The following ANKEF1 variants were observed in gnomAD, a reference collection of about 807,000 sequenced individuals.
ANKEF1 encodes ankyrin repeat and EF-hand domain-containing protein 1.
In ANKEF1, 43 loss-of-function variants were observed where a neutral mutation model predicts 65.1. That is an observed-to-expected ratio of 0.66 (90% confidence interval 0.52 to 0.85). The LOEUF (loss-of-function observed/expected upper bound fraction) is 0.85. ANKEF1 is among the 40% of genes least tolerant of loss of function. The probability of loss-of-function intolerance (pLI) is 0.00; values close to 1 mark genes in which losing one functional copy is unlikely to be tolerated. For synonymous variants in ANKEF1, 316 were observed against 341.5 expected, an observed-to-expected ratio of 0.93 and a Z score of 0.82; for missense variants, 934 against 952.9, an observed-to-expected ratio of 0.98 and a Z score of 0.26.
At chr20:10,038,686 A>C in intron 3 of ANKEF1, 39 bp downstream of exon 3, 8 of 1,456,212 alleles carry the variant, frequency 5.5e-6, no homozygotes, top group Non-Finnish European at 7.5e-6. Context: ...ATTGCAATTC[A>C]TTTTGTAGCC....
At chr20:10,047,009 T>A (rs1984558483) in intron 6 of ANKEF1, among the ~76,000 whole-genome samples, 1 of 152,256 alleles carries the variant, frequency 6.6e-6, no homozygotes, top group Admixed American at 6.5e-5. Context: ...AATCTGTCTC[T>A]ATTAGCAGTT....
chr20:10,046,164 C>T (rs1381387366), intron 6 of ANKEF1, among the ~76,000 whole-genome samples: 1 of 152,108 alleles, frequency 6.6e-6, no homozygotes, highest in East Asian at 1.9e-4. Flanking sequence ...ATCCCAGTTA[C>T]TTGGGAGGCT....
Position 10,038,268 on chromosome 20 carries a change from G to T in ANKEF1, c.-34G>T. 2 of 1,349,808 alleles carry T rather than the reference G, an allele frequency of 1.5e-6. No homozygotes were observed. The highest frequency in any genetic ancestry group is 2.0e-6 in the Non-Finnish European group (2 of 1,024,298). 83.6% of individuals were successfully genotyped at this position (1,349,808 alleles called of 1,614,324 possible). On this transcript the variant is annotated 5_prime_UTR_variant, in exon 3 of 11. Coordinates refer to ENST00000378392, the MANE Select transcript of ANKEF1 (RefSeq NM_022096.6). ...TTTTTGTTGCTTCAGCTTTAGTTTT[G>T]GTCCAGAAAGCATTTTCAAGGAGCT...
intron 8 of ANKEF1, 53 bp from the exon 9 acceptor site, chr20:10,053,059 T>C: frequency 1.3e-6 from 2 of 1,507,132 alleles, no homozygotes; most frequent in Non-Finnish European, 1.8e-6. Context: ...TTCTACATGG[T>C]TTATCATTAA....
Position 10,051,739 on chromosome 20 carries a change from G to T in ANKEF1, c.1720G>T (p.Val574Phe). The T allele has an allele frequency of 6.2e-7, 1 of 1,613,768 alleles. No individual in the cohort carries two copies. Among genetic ancestry groups the T allele is most frequent in the African/African-American group, 1.3e-5 (1 of 75,032 alleles). ...FACHAGQQDI[V>F]ELLVESGALI... is the part of the protein sequence containing the mutation. ...ATGCCATGCAGGCCAACAAGACATT[G>T]TTGAGCTTCTTGTTGAATCTGGAGC... Residue 574 changes from valine to phenylalanine, a missense_variant, in exon 8 of 11, where the codon GTT becomes TTT. Transcript: ENST00000378392.
At position 10,056,477 on chromosome 20, in the gene ANKEF1, TGATAGATAGATAGATAGATGATA is replaced by T. The variant is rs1390073760; in HGVS notation, c.*837_*859del. The T allele has an allele frequency of 1.5e-5, 2 of 134,552 alleles. No homozygotes were observed. Among genetic ancestry groups the T allele is most frequent in the African/African-American group, 2.9e-5 (1 of 34,190 alleles). 8.3% of individuals were successfully genotyped at this position (134,552 alleles called of 1,614,324 possible). On this transcript the variant is annotated 3_prime_UTR_variant, in exon 11 of 11. Transcript: ENST00000378392. The stretch of plus-strand genomic sequence containing the variant: ...GATATATAGATGATAGATAGATAGA[TGATAGATAGATAGATAGATGATA>T]GATAGATAGATAGATAGATAGATAG...
chr20:10,055,681 G>T lies in ANKEF1; in HGVS notation c.*21G>T. ...CCTAAGTCATAGCAGTTATTTCTTG[G>T]GGTAAATGCTTTGAGGCCCAGGGAC... is the stretch of plus-strand genomic sequence containing the variant. On this transcript the variant is annotated 3_prime_UTR_variant, in exon 11 of 11. Coordinates refer to ENST00000378392, the MANE Select transcript of ANKEF1 (RefSeq NM_022096.6). The T allele has an allele frequency of 6.2e-7, 1 of 1,612,832 alleles. No homozygotes were observed. The highest frequency in any genetic ancestry group is 1.1e-5 in the South Asian group (1 of 91,014).
rs1468223292 is a variant in ANKEF1 at position 10,055,806 on chromosome 20, ATTC to A, written c.*149_*151del. The A allele has an allele frequency of 2.6e-5, 19 of 721,414 alleles. No homozygotes were observed. The highest frequency in any genetic ancestry group is 3.2e-5 in the Non-Finnish European group (14 of 441,244). 44.7% of individuals were successfully genotyped at this position (721,414 alleles called of 1,614,324 possible). On this transcript the variant is annotated 3_prime_UTR_variant, in exon 11 of 11. Transcript: ENST00000378392. ...TCTTTTTGCTTTAACAACTATAAAT[ATTC>A]TTAGCTGTCTAGAGAAAAGATGTAT...
chr20:10,042,286 C>A (rs1174409840), intron 3 of ANKEF1, among the ~76,000 whole-genome samples: 1 of 151,902 alleles, frequency 6.6e-6, no homozygotes, highest in Non-Finnish European at 1.5e-5. Flanking sequence ...AGTATGTATC[C>A]TTTTTGCGTG....
intron 3 of ANKEF1, among the ~76,000 whole-genome samples, chr20:10,040,018 A>G (rs1437431359): frequency 2.6e-5 from 4 of 152,244 alleles, no homozygotes; most frequent in Non-Finnish European, 4.4e-5. Flanking sequence ...TAAAAAATCA[A>G]GGTAAAATTG....
chr20:10,055,190 G>A (rs1239248950), intron 10 of ANKEF1, among the ~76,000 whole-genome samples: 2 of 152,092 alleles, frequency 1.3e-5, no homozygotes, highest in South Asian at 2.1e-4. Flanking sequence ...TTGCTTCCCT[G>A]TTTTGGCATC....
At chr20:10,054,351 T>G in intron 9 of ANKEF1, 111 bp from the exon 10 acceptor site, 1 of 792,402 alleles carries the variant, frequency 1.3e-6, no homozygotes, top group Non-Finnish European at 1.9e-6. Flanking sequence ...ACTTGTACAG[T>G]AGCATTTTTA....
At position 10,055,578 on chromosome 20, in the gene ANKEF1, T is replaced by C. The variant is rs1985104089; in HGVS notation, c.2249T>C (p.Val750Ala). The C allele has an allele frequency of 6.2e-7, 1 of 1,613,784 alleles. No homozygotes were observed. The highest frequency in any genetic ancestry group is 1.3e-5 in the African/African-American group (1 of 74,996). Residue 750 changes from valine to alanine, a missense_variant, in exon 11 of 11, where the codon GTG becomes GCG. By Grantham distance (64) the Val-to-Ala change is moderately conservative. Coordinates refer to ENST00000378392, the MANE Select transcript of ANKEF1 (RefSeq NM_022096.6). ...ELRRERFTHE[V>A]DFDDFMMPFQ... Reference sequence around the variant, plus strand: ...CGGCGAGAGAGGTTTACACATGAGGTGGACTTCGACGATTTTATGATGCCT... The same window carrying C: ...CGGCGAGAGAGGTTTACACATGAGGCGGACTTCGACGATTTTATGATGCCT...
intron 6 of ANKEF1, among the ~76,000 whole-genome samples, chr20:10,046,668 G>C (rs1023849548): frequency 1.3e-5 from 2 of 152,066 alleles, no homozygotes; most frequent in African/African-American, 4.8e-5. Context: ...CTCTGTTAGA[G>C]ATAGAACTGC....
At chr20:10,048,962 G>A (rs200213414) in intron 6 of ANKEF1, among the ~76,000 whole-genome samples, 1 of 152,116 alleles carries the variant, frequency 6.6e-6, no homozygotes, top group Non-Finnish European at 1.5e-5. Flanking sequence ...CATTCAAAAG[G>A]AAGTGGGTAT....
chr20:10,037,009 G>A (rs1019752209), intron 2 of ANKEF1, among the ~76,000 whole-genome samples: 1 of 152,242 alleles, frequency 6.6e-6, no homozygotes, highest in South Asian at 2.1e-4. Context: ...GCAGGCGATG[G>A]AGATGTTGTG....
At chr20:10,055,309 G>A (rs890116115) in intron 10 of ANKEF1, among the ~76,000 whole-genome samples, 193 bp from the exon 11 acceptor site, 7 of 152,018 alleles carry the variant, frequency 4.6e-5, no homozygotes, top group Non-Finnish European at 4.4e-5. Context: ...AGTGATGCTC[G>A]TGCAACCACT....
intron 8 of ANKEF1, 22 bp from the exon 9 acceptor site, chr20:10,053,090 A>G: frequency 6.4e-7 from 1 of 1,564,396 alleles, no homozygotes; most frequent in East Asian, 2.2e-5. Context: ...GTCACTCTGA[A>G]TTTATGTTTA....
rs148411256 is a variant in ANKEF1, at chr20:10,055,503, T to G, written c.2174T>G (p.Ile725Ser). The change falls in exon 11 of 11, where the codon ATT (isoleucine) becomes AGT (serine). Residue 725 changes from isoleucine (I) to serine (S), a missense_variant and splice_region_variant. Transcript: ENST00000378392. ...GGTATGGCTATTTTTCTTTTTAAGATTTGGAGTCCTGAAGCCACAACAGCA... is the reference window on the plus strand; with the variant it reads ...GGTATGGCTATTTTTCTTTTTAAGAGTTGGAGTCCTGAAGCCACAACAGCA... ...KVDITFIPRRIWSPEATTAEL... is the reference protein window; with the variant it reads ...KVDITFIPRRSWSPEATTAEL... 48 of 1,613,258 alleles carry G rather than the reference T, an allele frequency of 3.0e-5. No homozygotes were observed. The African/African-American group carries it at 5.9e-4, about 20-fold the overall frequency.
Sources: gnomAD v4.1 joint callset for allele counts (sites outside exome capture counted in the v4.1 genomes callset) on GRCh38, gnomAD v4.1.1 for gene constraint, MANE v1.5 for transcripts, NCBI Gene and HGNC (gene_info 2026-07-23, HGNC 2026-07-21) for gene names.